The following ZCCHC7 variants were observed in gnomAD, a reference collection of about 807,000 sequenced individuals.
The protein encoded by ZCCHC7 is zinc finger CCHC-type containing 7, also known as zinc finger CCHC domain-containing protein 7.
A neutral mutation model predicts 52.0 loss-of-function variants in ZCCHC7; 35 were observed. The ratio of observed to expected loss-of-function variants is 0.67; its 90% CI spans 0.51 to 0.89. The LOEUF (loss-of-function observed/expected upper bound fraction) is 0.89, where lower values mean the gene tolerates loss of function less well. Ranked by LOEUF, ZCCHC7 falls within the 40% of genes least tolerant of loss-of-function variation. The pLI is 0.00. For missense variants in ZCCHC7, 574 were observed against 649.1 expected, an observed-to-expected ratio of 0.88 and a Z score of 1.26; for synonymous variants, 217 against 221.5, an observed-to-expected ratio of 0.98 and a Z score of 0.18.
At chr9:37,352,940 G>A (rs1383526839) in intron 7 of ZCCHC7, among the ~76,000 whole-genome samples, 1 of 151,874 alleles carries the variant, frequency 6.6e-6, no homozygotes, top group Non-Finnish European at 1.5e-5. Flanking sequence ...TCTAAAGATA[G>A]CAGAAGGATG....
At chr9:37,332,565 T>C (rs1356220786) in intron 6 of ZCCHC7, among the ~76,000 whole-genome samples, 1 of 151,556 alleles carries the variant, frequency 6.6e-6, no homozygotes, top group Non-Finnish European at 1.5e-5. Flanking sequence ...AGTCTTCTCA[T>C]ATTTTGAGTT....
chr9:37,174,874 C>T (rs946642038), intron 2 of ZCCHC7, among the ~76,000 whole-genome samples: 14 of 151,932 alleles, frequency 9.2e-5, no homozygotes, highest in Admixed American at 7.9e-4. Context: ...TGGTGGCACA[C>T]GTCTGTAATC....
At chr9:37,257,619 AT>A (rs879834444) in intron 2 of ZCCHC7, among the ~76,000 whole-genome samples, 170 of 146,534 alleles carry the variant, frequency 1.2e-3, no homozygotes, top group Non-Finnish European at 1.0e-3. Context: ...GAACTATTTA[AT>A]TTTTTTTTTT....
At chr9:37,171,014 A>G (rs544835637) in intron 2 of ZCCHC7, among the ~76,000 whole-genome samples, 20 of 152,334 alleles carry the variant, frequency 1.3e-4, no homozygotes, top group African/African-American at 4.1e-4. Context: ...GCAGGACTGT[A>G]GTTAACTAGT....
intron 2 of ZCCHC7, among the ~76,000 whole-genome samples, chr9:37,287,380 AGTTGTAT>A (rs1828304091): frequency 6.6e-6 from 1 of 152,104 alleles, no homozygotes; most frequent in African/African-American, 2.4e-5. Context: ...TTTAACATAA[AGTTGTAT>A]GTAATAATTT....
intron 2 of ZCCHC7, among the ~76,000 whole-genome samples, chr9:37,295,072 G>T (rs561198780): frequency 6.6e-6 from 1 of 152,278 alleles, no homozygotes; most frequent in East Asian, 1.9e-4. Flanking sequence ...AAATTACACA[G>T]TTAAGTCCAG....
intron 2 of ZCCHC7, among the ~76,000 whole-genome samples, chr9:37,176,272 A>G (rs916106300): frequency 1.3e-5 from 2 of 152,112 alleles, no homozygotes; most frequent in Non-Finnish European, 1.5e-5. Flanking sequence ...ACGGGGTTTC[A>G]CCGTGTTAGC....
intron 2 of ZCCHC7, among the ~76,000 whole-genome samples, chr9:37,164,498 T>TAGATAGATAGATAGACAGACAGAC (rs755789110): frequency 1.5e-5 from 2 of 135,008 alleles, no homozygotes; most frequent in South Asian, 2.4e-4. Flanking sequence ...GATAGATAGA[T>TAGATAGATAGATAGACAGACAGAC]AGACAGACAA....
intron 2 of ZCCHC7, among the ~76,000 whole-genome samples, chr9:37,215,257 A>G (rs1157605546): frequency 1.3e-5 from 2 of 152,184 alleles, no homozygotes; most frequent in African/African-American, 2.4e-5. Flanking sequence ...CTGATGAACT[A>G]TATAAAGATA....
rs532488098 is a variant in ZCCHC7 at position 37,168,259 on chromosome 9, G to A, written c.610+41317G>A. ...TCTCGTGTTTTAAACGCTTTTTCAT[G>A]TGTTTTGTCTATTTTTTGTTTATTT... On this transcript the variant is annotated intron_variant, in intron 2 of 8. Coordinates refer to ENST00000336755, the MANE Select transcript of ZCCHC7 (RefSeq NM_032226.3). Among the ~76,000 whole-genome samples, 4 of 152,244 alleles carry A rather than the reference G, an allele frequency of 2.6e-5. 1 individual carries two copies. Among genetic ancestry groups the A allele is most frequent in the African/African-American group, 9.6e-5 (4 of 41,544 alleles).
At chr9:37,140,245 A>T (rs1205821517) in intron 2 of ZCCHC7, among the ~76,000 whole-genome samples, 1 of 151,960 alleles carries the variant, frequency 6.6e-6, no homozygotes, top group Non-Finnish European at 1.5e-5. Context: ...ACTTTTAAGG[A>T]GGATTTTAAT....
At chr9:37,331,600 T>TGA (rs1830453013) in intron 6 of ZCCHC7, among the ~76,000 whole-genome samples, 2 of 151,648 alleles carry the variant, frequency 1.3e-5, no homozygotes, top group Admixed American at 6.6e-5. Flanking sequence ...GCCTTTATCC[T>TGA]GAGATTGTGA....
At chr9:37,151,131 A>C (rs1468142646) in intron 2 of ZCCHC7, among the ~76,000 whole-genome samples, 1 of 151,206 alleles carries the variant, frequency 6.6e-6, no homozygotes, top group Admixed American at 6.6e-5. Flanking sequence ...CGCCCGGCTA[A>C]TTTTTTTTGT....
chr9:37,257,728 T>C (rs1054834138), intron 2 of ZCCHC7, among the ~76,000 whole-genome samples: 3 of 152,106 alleles, frequency 2.0e-5, no homozygotes, highest in African/African-American at 7.2e-5. Context: ...AAAGGGATCC[T>C]GAGACTTAAA....
chr9:37,131,107 G>A (rs957098670), intron 2 of ZCCHC7, among the ~76,000 whole-genome samples: 1 of 151,886 alleles, frequency 6.6e-6, no homozygotes. Context: ...TTGGGAGGCC[G>A]AGGCAGGTGG....
chr9:37,206,014 C>T (rs1261778103), intron 2 of ZCCHC7, among the ~76,000 whole-genome samples: 1 of 151,932 alleles, frequency 6.6e-6, no homozygotes, highest in Non-Finnish European at 1.5e-5. Flanking sequence ...TTATTCCTGA[C>T]AACGTCATTT....
At chr9:37,249,563 T>C (rs894670155) in intron 2 of ZCCHC7, among the ~76,000 whole-genome samples, 2 of 150,742 alleles carry the variant, frequency 1.3e-5, no homozygotes, top group Non-Finnish European at 3.0e-5. Flanking sequence ...GCAATTCTCC[T>C]GCCTCAGCCT....
intron 2 of ZCCHC7, among the ~76,000 whole-genome samples, chr9:37,215,859 T>C (rs1285741784): frequency 6.6e-6 from 1 of 152,182 alleles, no homozygotes; most frequent in African/African-American, 2.4e-5. Context: ...TATAAATCAA[T>C]TTGTAATTGA....
At chr9:37,255,609 G>C (rs1826550088) in intron 2 of ZCCHC7, among the ~76,000 whole-genome samples, 1 of 152,068 alleles carries the variant, frequency 6.6e-6, no homozygotes, top group African/African-American at 2.4e-5. Flanking sequence ...ATAATGGAAG[G>C]CTACTGTATT....
Sources: allele counts gnomAD v4.1 joint callset (sites outside exome capture counted in the v4.1 genomes callset), GRCh38; gene constraint gnomAD v4.1.1; transcripts MANE v1.5; gene names NCBI Gene and HGNC (gene_info 2026-07-23, HGNC 2026-07-21).